Variants in ZRANB1 observed in about 807,000 individuals in gnomAD.
ZRANB1 encodes zinc finger RANBP2-type containing 1, also known as ubiquitin thioesterase ZRANB1.
Under a neutral mutation model 80.5 loss-of-function variants are expected in ZRANB1, and 16 were observed. The observed-to-expected ratio is 0.20, with a 90% CI of 0.13 to 0.30. The LOEUF (loss-of-function observed/expected upper bound fraction) is 0.30, where lower values mean the gene tolerates loss of function less well. Ranked by LOEUF, ZRANB1 falls within the 10% of genes least tolerant of loss-of-function variation. ZRANB1 has a pLI of 1.00. For missense variants in ZRANB1, 576 were observed against 862.6 expected (o/e 0.67, Z 4.16); for synonymous variants, 291 against 293.1 (o/e 0.99, Z 0.07).
chr10:124,961,157 A>C (rs1249302248), intron 1 of ZRANB1, among the ~76,000 whole-genome samples: 1 of 151,780 alleles, frequency 6.6e-6, no homozygotes, highest in Non-Finnish European at 1.5e-5. Context: ...GCACGCCCCC[A>C]CGCCCGGCTA....
At chr10:124,957,971 C>G (rs901168833) in intron 1 of ZRANB1, among the ~76,000 whole-genome samples, 7 of 152,184 alleles carry the variant, frequency 4.6e-5, no homozygotes, top group African/African-American at 1.4e-4. Flanking sequence ...CTCAAGTGAT[C>G]CACCTGCCTC....
At chr10:124,975,098 C>G (rs1951864832) in intron 5 of ZRANB1, among the ~76,000 whole-genome samples, 1 of 152,180 alleles carries the variant, frequency 6.6e-6, no homozygotes, top group African/African-American at 2.4e-5. Flanking sequence ...CGCACCCAGC[C>G]TTATTGAATA....
the ZRANB1 span, among the ~76,000 whole-genome samples, chr10:124,921,817 G>A: frequency 4.3e-4 from 65 of 151,684 alleles, no homozygotes; most frequent in African/African-American, 1.5e-3. Flanking sequence ...ATCTGGATCC[G>A]TAAGCATTCT....
chr10:124,970,833 G>GT (rs34391929), intron 2 of ZRANB1, among the ~76,000 whole-genome samples: 27,777 of 85,460 alleles, frequency 0.33, 3,341 homozygotes, highest in East Asian at 0.55. Context: ...TCTCTTTGGG[G>GT]TTTTTTTTTT....
At chr10:124,935,553 A>G in the ZRANB1 span, among the ~76,000 whole-genome samples, 3 of 152,330 alleles carry the variant, frequency 2.0e-5, no homozygotes, top group East Asian at 3.9e-4. Context: ...ACAAGGTTCC[A>G]TCAGGTTCTG....
At chr10:124,970,222 A>G (rs1951810541) in intron 2 of ZRANB1, among the ~76,000 whole-genome samples, 2 of 152,160 alleles carry the variant, frequency 1.3e-5, no homozygotes, top group Admixed American at 1.3e-4. Context: ...CTTGGCCAAT[A>G]AAGTCTAGTT....
At chr10:124,981,132 C>T (rs776475837) in intron 5 of ZRANB1, among the ~76,000 whole-genome samples, 5 of 152,100 alleles carry the variant, frequency 3.3e-5, no homozygotes, top group South Asian at 2.1e-4. Context: ...GACAAAGAAT[C>T]GATGTGTTTT....
chr10:124,964,302 G>A (rs1358574253), intron 1 of ZRANB1, among the ~76,000 whole-genome samples: 1 of 152,116 alleles, frequency 6.6e-6, no homozygotes, highest in Non-Finnish European at 1.5e-5. Flanking sequence ...TGATTTTGTT[G>A]TGCTATGTAG....
chr10:124,919,067 A>T, the ZRANB1 span, among the ~76,000 whole-genome samples: 1 of 152,112 alleles, frequency 6.6e-6, no homozygotes, highest in Non-Finnish European at 1.5e-5. Context: ...CATGGCCTTG[A>T]TCCATGTCTG....
At chr10:124,970,522 A>G (rs1413043204) in intron 2 of ZRANB1, among the ~76,000 whole-genome samples, 3 of 152,168 alleles carry the variant, frequency 2.0e-5, no homozygotes, top group Non-Finnish European at 4.4e-5. Context: ...TTGGCCTCAC[A>G]CAGTGCTGGG....
At chr10:124,951,889 G>A (rs145424527) in intron 1 of ZRANB1, among the ~76,000 whole-genome samples, 4,554 of 151,980 alleles carry the variant, frequency 0.03, 206 homozygotes, top group African/African-American at 0.099. Flanking sequence ...CCTGGGAGGC[G>A]GAGGTTGCAG....
chr10:124,979,605 C>T lies in ZRANB1; in HGVS notation c.1428-2104C>T, dbSNP rs138654411. ...GAGATTTTTGTCTAGCCCAAGGTCA[C>T]GAAGATTTACTCCTGTGTTTTCATA... On this transcript the variant is annotated intron_variant, in intron 5 of 8. Transcript: ENST00000359653. 8.5e-5 allele frequency among the ~76,000 whole-genome samples: 13 copies of T among 152,258 alleles called. No individual in the cohort carries two copies. In the East Asian group the frequency reaches 2.5e-3, roughly 29 times the overall value.
the ZRANB1 span, among the ~76,000 whole-genome samples, chr10:124,929,610 T>C: frequency 0.055 from 8,319 of 150,744 alleles, 742 homozygotes; most frequent in African/African-American, 0.19. Context: ...AGTGCTGGGA[T>C]TACAAGTGTG....
intron 1 of ZRANB1, among the ~76,000 whole-genome samples, chr10:124,947,320 C>T (rs969300486): frequency 6.6e-6 from 1 of 152,098 alleles, no homozygotes; most frequent in East Asian, 1.9e-4. Flanking sequence ...GTTTTTAGGG[C>T]GGTCATGTGA....
At chr10:124,949,610 C>T (rs1168197952) in intron 1 of ZRANB1, among the ~76,000 whole-genome samples, 2 of 151,428 alleles carry the variant, frequency 1.3e-5, no homozygotes, top group African/African-American at 4.9e-5. Flanking sequence ...CAGCCTTGAC[C>T]TCCTGGGCTT....
chr10:124,949,833 A>G (rs955155601), intron 1 of ZRANB1, among the ~76,000 whole-genome samples: 2 of 152,182 alleles, frequency 1.3e-5, no homozygotes, highest in African/African-American at 4.8e-5. Context: ...CAGTTGCCCA[A>G]TAGCAGTGGT....
the ZRANB1 span, among the ~76,000 whole-genome samples, chr10:124,933,794 C>G: frequency 6.6e-6 from 1 of 152,168 alleles, no homozygotes; most frequent in African/African-American, 2.4e-5. Flanking sequence ...TGCTGAAGCT[C>G]AAGACATACC....
At chr10:124,943,647 G>A (rs1002766010) in intron 1 of ZRANB1, among the ~76,000 whole-genome samples, 1 of 152,098 alleles carries the variant, frequency 6.6e-6, no homozygotes, top group East Asian at 1.9e-4. Context: ...TGATCTTGTC[G>A]TAACTTTGTA....
rs941379026 is a variant in ZRANB1, at chr10:124,987,098, T to C, written c.*2106T>C. ...AGACAGGAATGGGGCTCTAAATGGT[T>C]TTCATAGACTGGCTGTTAAAGGCCA... On this transcript the variant is annotated 3_prime_UTR_variant, in exon 9 of 9. Transcript: ENST00000359653. The C allele has an allele frequency of 2.0e-5, 3 of 152,616 alleles. No homozygotes were observed. In the East Asian group the frequency reaches 5.8e-4, roughly 29 times the overall value. The allele number at this position is 152,616 out of a possible 1,614,324, so 9.5% of individuals were successfully genotyped here.
Sources: gnomAD v4.1 joint callset for allele counts (sites outside exome capture counted in the v4.1 genomes callset) on GRCh38, gnomAD v4.1.1 for gene constraint, MANE v1.5 for transcripts, NCBI Gene and HGNC (gene_info 2026-07-23, HGNC 2026-07-21) for gene names.